Variants in CRTC1 observed in about 807,000 individuals in gnomAD.
CRTC1 encodes the protein CREB-regulated transcription coactivator 1.
A neutral mutation model predicts 66.1 loss-of-function variants in CRTC1; 18 were observed. The observed-to-expected ratio is 0.27, with a 90% CI of 0.19 to 0.40. The LOEUF (loss-of-function observed/expected upper bound fraction) is 0.40, where lower values mean the gene tolerates loss of function less well. CRTC1 is among the 10% of genes least tolerant of loss of function. The pLI, the probability that CRTC1 is intolerant of heterozygous loss-of-function variation, is 1.00. For missense variants in CRTC1, 669 were observed against 887.9 expected (o/e 0.75, Z 3.13); for synonymous variants, 416 against 398.8 (o/e 1.04, Z -0.51).
chr19:18,694,407 CT>C (rs1234712067), intron 1 of CRTC1, among the ~76,000 whole-genome samples: 3 of 151,920 alleles, frequency 2.0e-5, no homozygotes, highest in Non-Finnish European at 2.9e-5. Flanking sequence ...AGCTACGTCT[CT>C]TTATTTTATT....
At chr19:18,713,101 CTA>C (rs1193548022) in intron 1 of CRTC1, among the ~76,000 whole-genome samples, 1 of 152,156 alleles carries the variant, frequency 6.6e-6, no homozygotes, top group African/African-American at 2.4e-5. Context: ...GAATCTCACA[CTA>C]TGTGGCGTTT....
At chr19:18,745,604 C>T (rs925651573) in intron 2 of CRTC1, among the ~76,000 whole-genome samples, 3 of 152,162 alleles carry the variant, frequency 2.0e-5, no homozygotes, top group Admixed American at 1.3e-4. Flanking sequence ...CACCCTGGCT[C>T]CCGGGACCCC....
At chr19:18,759,969 CAT>C in intron 7 of CRTC1, 37 bp from the exon 8 acceptor site, 1 of 1,453,422 alleles carries the variant, frequency 6.9e-7, no homozygotes, top group Non-Finnish European at 9.4e-7. Flanking sequence ...AGCCCCGCCC[CAT>C]GAGCTCACCT....
intron 1 of CRTC1, among the ~76,000 whole-genome samples, chr19:18,684,300 A>G (rs1389205758): frequency 2.6e-5 from 4 of 151,378 alleles, no homozygotes; most frequent in Non-Finnish European, 5.9e-5. Context: ...CACCATTGGT[A>G]GCTGGGGGTG....
chr19:18,779,457 CTT>C lies in CRTC1; in HGVS notation c.*2088_*2089del, dbSNP rs538414217. ...AGAGGCTGGGGGCAGACAGCGGGGACTTTTTTTTTTTTTTAAGAAAAACTACA... is the reference window on the plus strand; with the variant it reads ...AGAGGCTGGGGGCAGACAGCGGGGACTTTTTTTTTTTTAAGAAAAACTACA... On this transcript the variant is annotated 3_prime_UTR_variant, in exon 14 of 14. Coordinates refer to ENST00000321949, the MANE Select transcript of CRTC1 (RefSeq NM_015321.3). The C allele has an allele frequency of 1.4e-3, 255 of 188,668 alleles. No individual in the cohort carries two copies. The highest frequency in any genetic ancestry group is 2.2e-3 in the East Asian group (27 of 12,550). 11.7% of individuals were successfully genotyped at this position (188,668 alleles called of 1,614,324 possible).
At position 18,745,964 on chromosome 19, in the gene CRTC1, T is replaced by C; in HGVS notation, c.381+4T>C. The C allele has an allele frequency of 6.2e-7, 1 of 1,606,292 alleles. No individual in the cohort carries two copies. The highest frequency in any genetic ancestry group is 8.5e-7 in the Non-Finnish European group (1 of 1,174,754). On this transcript the variant is annotated splice_donor_region_variant and intron_variant, in intron 3 of 13. Coordinates refer to ENST00000321949, the MANE Select transcript of CRTC1 (RefSeq NM_015321.3). Reference sequence around the variant, plus strand: ...AGTGGACAAACACGGACGGCAGATATCCTTTTCACCAGAGGATGAGGGTGG... The same window carrying C: ...AGTGGACAAACACGGACGGCAGATACCCTTTTCACCAGAGGATGAGGGTGG...
At chr19:18,761,425 C>T (rs1049487580) in intron 8 of CRTC1, among the ~76,000 whole-genome samples, 1 of 152,156 alleles carries the variant, frequency 6.6e-6, no homozygotes, top group Non-Finnish European at 1.5e-5. Flanking sequence ...GGGTGACAGA[C>T]GCCACCTTGC....
At chr19:18,730,324 G>A (rs1430553697) in intron 1 of CRTC1, among the ~76,000 whole-genome samples, 1 of 152,066 alleles carries the variant, frequency 6.6e-6, no homozygotes, top group Non-Finnish European at 1.5e-5. Flanking sequence ...CAGGCAGGGG[G>A]CGCCTGGTGA....
At chr19:18,694,735 G>T (rs527991568) in intron 1 of CRTC1, among the ~76,000 whole-genome samples, 1 of 151,958 alleles carries the variant, frequency 6.6e-6, no homozygotes, top group South Asian at 2.1e-4. Context: ...TGCGCCAGGC[G>T]CATCTGGCCC....
chr19:18,702,393 G>C (rs1600784634), intron 1 of CRTC1, among the ~76,000 whole-genome samples: 1 of 151,674 alleles, frequency 6.6e-6, no homozygotes, highest in East Asian at 1.9e-4. Flanking sequence ...CTAATTTTTA[G>C]TATATATTTT....
At chr19:18,700,946 C>T (rs1600778927) in intron 1 of CRTC1, among the ~76,000 whole-genome samples, 1 of 152,264 alleles carries the variant, frequency 6.6e-6, no homozygotes, top group Non-Finnish European at 1.5e-5. Flanking sequence ...CCGCTTCCAT[C>T]GCTGCGGGGA....
chr19:18,777,389 AC>A lies in CRTC1; in HGVS notation c.*8del. On this transcript the variant is annotated 3_prime_UTR_variant, in exon 14 of 14. Coordinates refer to ENST00000321949, the MANE Select transcript of CRTC1 (RefSeq NM_015321.3). The surrounding 1 kb of genome is among the most constrained non-coding windows in gnomAD (Gnocchi z 5.5). ...CCGGATGGACCGCCTGTGAGCGGGCACGCCGGCACCCTGCCGCTCAGCCGTC... is the reference window on the plus strand; with the variant it reads ...CCGGATGGACCGCCTGTGAGCGGGCAGCCGGCACCCTGCCGCTCAGCCGTC... 1 of 1,600,322 alleles carries A rather than the reference AC, an allele frequency of 6.2e-7. No individual in the cohort carries two copies. Among genetic ancestry groups the A allele is most frequent in the Non-Finnish European group, 8.5e-7 (1 of 1,179,318 alleles).
chr19:18,773,149 G>A (rs2054907266), intron 11 of CRTC1, among the ~76,000 whole-genome samples: 1 of 152,114 alleles, frequency 6.6e-6, no homozygotes, highest in South Asian at 2.1e-4. Context: ...CAGGAGGCAG[G>A]CGGCTCATGG....
At chr19:18,749,974 T>C in intron 5 of CRTC1, 99 bp downstream of exon 5, 1 of 914,114 alleles carries the variant, frequency 1.1e-6, no homozygotes, top group Admixed American at 2.0e-5. Flanking sequence ...CAGATGGCTC[T>C]TCAAAGGAAG....
intron 2 of CRTC1, 72 bp from the exon 3 acceptor site, chr19:18,745,751 C>T (rs1052360781): frequency 6.9e-6 from 11 of 1,593,690 alleles, no homozygotes; most frequent in Non-Finnish European, 8.6e-6. Flanking sequence ...ACTCTGGGGC[C>T]AGCGCTGGGG....
intron 9 of CRTC1, among the ~76,000 whole-genome samples, chr19:18,765,899 T>C (rs1397955754): frequency 6.6e-6 from 1 of 151,856 alleles, no homozygotes; most frequent in African/African-American, 2.4e-5. Flanking sequence ...GGGTGGAGGC[T>C]GCAGTGAGCC....
chr19:18,765,319 T>C, intron 8 of CRTC1, 85 bp from the exon 9 acceptor site: 1 of 1,520,636 alleles, frequency 6.6e-7, no homozygotes, highest in Non-Finnish European at 8.9e-7. Context: ...GCTATTCCCA[T>C]GCAGTGTGAC....
intron 1 of CRTC1, among the ~76,000 whole-genome samples, chr19:18,697,254 G>C (rs953816785): frequency 3.9e-5 from 6 of 152,106 alleles, no homozygotes; most frequent in African/African-American, 7.2e-5. Context: ...ACTTGGCACC[G>C]GGGGGAGCAG....
chr19:18,763,746 G>A (rs1208010866), intron 8 of CRTC1, among the ~76,000 whole-genome samples: 1 of 152,042 alleles, frequency 6.6e-6, no homozygotes, highest in East Asian at 1.9e-4. Flanking sequence ...GGCCCCACCC[G>A]CCCCTGTCGT....
Sources: gnomAD v4.1 joint callset for allele counts (sites outside exome capture counted in the v4.1 genomes callset) on GRCh38, gnomAD v4.1.1 for gene constraint, Gnocchi (gnomAD v3.1) non-coding constraint, MANE v1.5 for transcripts, NCBI Gene and HGNC (gene_info 2026-07-23, HGNC 2026-07-21) for gene names.